Variants in TNFSF4 observed in about 807,000 individuals in gnomAD.
TNFSF4 encodes the protein TNF superfamily member 4, also known as tumor necrosis factor ligand superfamily member 4.
TNFSF4 carries 4 observed loss-of-function variants against 7.3 expected under a neutral mutation model. The observed-to-expected ratio is 0.55, with a 90% confidence interval of 0.27 to 1.25. The LOEUF (loss-of-function observed/expected upper bound fraction) is 1.25, where lower values mean the gene tolerates loss of function less well. Among genes scored for constraint, TNFSF4 ranks in the 50% most tolerant of loss-of-function variants. The pLI is 0.12. For missense variants in TNFSF4, 181 were observed against 208.8 expected (o/e 0.87, Z 0.82); for synonymous variants, 76 against 83.7 (o/e 0.91, Z 0.50).
the TNFSF4 span, among the ~76,000 whole-genome samples, chr1:173,279,163 C>T: frequency 9.9e-5 from 15 of 152,150 alleles, no homozygotes; most frequent in African/African-American, 3.4e-4. Context: ...ATAGAAAGGA[C>T]TTAATGGTGA....
At chr1:173,208,955 C>T (rs1013029079), upstream of TNFSF4, among the ~76,000 whole-genome samples, 1 of 151,760 alleles carries the variant, frequency 6.6e-6, no homozygotes, top group Non-Finnish European at 1.5e-5. Context: ...AAATTACTGT[C>T]AAAAGAATGA....
At chr1:173,334,282 A>G in the TNFSF4 span, among the ~76,000 whole-genome samples, 2 of 152,288 alleles carry the variant, frequency 1.3e-5, no homozygotes, top group East Asian at 3.9e-4. Flanking sequence ...GACACAAAAT[A>G]TCTGCATTAA....
At chr1:173,246,575 G>A in the TNFSF4 span, among the ~76,000 whole-genome samples, 3 of 152,092 alleles carry the variant, frequency 2.0e-5, no homozygotes, top group Non-Finnish European at 4.4e-5. Context: ...TTTTCAAACT[G>A]ACAGGTTTTT....
chr1:173,234,233 C>A, the TNFSF4 span, among the ~76,000 whole-genome samples: 2 of 152,158 alleles, frequency 1.3e-5, no homozygotes, highest in Admixed American at 6.5e-5. Flanking sequence ...AAGTGCAAAT[C>A]AAAACCACAA....
the TNFSF4 span, among the ~76,000 whole-genome samples, chr1:173,332,964 T>C: frequency 2.6e-5 from 4 of 152,248 alleles, no homozygotes; most frequent in Non-Finnish European, 4.4e-5. Flanking sequence ...CATCACCATA[T>C]ACAAGTTTAG....
the TNFSF4 span, among the ~76,000 whole-genome samples, chr1:173,270,456 A>C: frequency 1.3e-5 from 2 of 152,070 alleles, no homozygotes; most frequent in Non-Finnish European, 2.9e-5. Flanking sequence ...CAGGGGTTAC[A>C]ACTGAGGGTG....
chr1:173,175,428 C>T, the TNFSF4 span: 1 of 152,130 alleles, frequency 6.6e-6, no homozygotes, highest in African/African-American at 2.4e-5. Flanking sequence ...GTTATAGGCC[C>T]TCAAATTTAA....
At chr1:173,373,927 C>T in the TNFSF4 span, among the ~76,000 whole-genome samples, 1 of 152,202 alleles carries the variant, frequency 6.6e-6, no homozygotes, top group Non-Finnish European at 1.5e-5. Context: ...TTTAAAGCCA[C>T]AGCAACTCAG....
chr1:173,178,688 C>T, the TNFSF4 span, among the ~76,000 whole-genome samples: 1 of 151,922 alleles, frequency 6.6e-6, no homozygotes. Context: ...ATTCTGTTTC[C>T]TTCTGGCTTA....
At chr1:173,450,252 CAT>C in the TNFSF4 span, among the ~76,000 whole-genome samples, 1 of 152,070 alleles carries the variant, frequency 6.6e-6, no homozygotes, top group Middle Eastern at 3.2e-3. Flanking sequence ...TGATTTATTT[CAT>C]ATATATGTAT....
chr1:173,258,582 G>A, the TNFSF4 span, among the ~76,000 whole-genome samples: 1 of 152,204 alleles, frequency 6.6e-6, no homozygotes, highest in African/African-American at 2.4e-5. Context: ...GCCTGCAGCA[G>A]CAGTTTGGAA....
intron 1 of TNFSF4, among the ~76,000 whole-genome samples, chr1:173,193,751 G>T (rs1249921419): frequency 4.1e-5 from 6 of 148,042 alleles, no homozygotes; most frequent in East Asian, 1.9e-4. Flanking sequence ...TGGGTTTCAG[G>T]GCTCCCATAA....
the TNFSF4 span, among the ~76,000 whole-genome samples, chr1:173,400,963 A>T: frequency 6.6e-6 from 1 of 151,868 alleles, no homozygotes; most frequent in African/African-American, 2.4e-5. Flanking sequence ...AGAAACAAGG[A>T]CTCTAATTGT....
chr1:173,261,889 T>G, the TNFSF4 span, among the ~76,000 whole-genome samples: 3 of 152,120 alleles, frequency 2.0e-5, no homozygotes, highest in Non-Finnish European at 4.4e-5. Context: ...TACAGCTGAA[T>G]TCTACCAGAG....
chr1:173,323,387 C>T, the TNFSF4 span, among the ~76,000 whole-genome samples: 3 of 152,252 alleles, frequency 2.0e-5, no homozygotes, highest in African/African-American at 7.2e-5. Context: ...CCCATCTGTA[C>T]ATCACCATCA....
At position 173,186,582 on chromosome 1, in the gene TNFSF4, G is replaced by T; in HGVS notation, c.486C>A (p.Asp162Glu). ...TCAGTTCTCCGCCATTCACATGGAA[G>T]TCATCCAGGGAGGTATTGTCAGTGG... Reference protein sequence around the residue: ...NVTTDNTSLDDFHVNGGELIL... With the variant: ...NVTTDNTSLDEFHVNGGELIL... The change falls in exon 3 of 3, where the codon GAC (aspartate) becomes GAA (glutamate). Residue 162 changes from aspartate to glutamate, a missense_variant. Transcript: ENST00000281834. 6.2e-7 allele frequency: 1 copy of T among 1,614,170 alleles called. No individual in the cohort carries two copies. The highest frequency in any genetic ancestry group is 8.5e-7 in the Non-Finnish European group (1 of 1,180,014).
At chr1:173,363,966 G>C in the TNFSF4 span, among the ~76,000 whole-genome samples, 1 of 152,148 alleles carries the variant, frequency 6.6e-6, no homozygotes, top group Admixed American at 6.5e-5. Context: ...TTGTGACCAT[G>C]TGAAAGCCAA....
At chr1:173,356,257 G>A in the TNFSF4 span, among the ~76,000 whole-genome samples, 1 of 152,148 alleles carries the variant, frequency 6.6e-6, no homozygotes, top group Non-Finnish European at 1.5e-5. Context: ...GATCTCAGAA[G>A]AGGCATCTTC....
chr1:173,352,902 A>C, the TNFSF4 span, among the ~76,000 whole-genome samples: 1 of 152,176 alleles, frequency 6.6e-6, no homozygotes, highest in Non-Finnish European at 1.5e-5. Context: ...TTCTTTTCCC[A>C]AGGCTGTTAA....
Sources: gnomAD v4.1 joint callset for allele counts (sites outside exome capture counted in the v4.1 genomes callset) on GRCh38, gnomAD v4.1.1 for gene constraint, MANE v1.5 for transcripts, NCBI Gene and HGNC (gene_info 2026-07-23, HGNC 2026-07-21) for gene names.